Variants in IQCH observed in about 807,000 individuals in gnomAD.
IQCH encodes the protein IQ domain-containing protein H.
IQCH carries 98 observed loss-of-function variants against 117.0 expected under a neutral mutation model. That is an observed-to-expected ratio of 0.84 (90% CI 0.71 to 0.99). The LOEUF is 0.99. Ranked by LOEUF, IQCH falls within the 50% of genes least tolerant of loss-of-function variation. The pLI, the probability that IQCH is intolerant of heterozygous loss-of-function variation, is 0.00. For missense variants in IQCH, 1,102 were observed against 1,243.8 expected, an observed-to-expected ratio of 0.89 and a Z score of 1.72; for synonymous variants, 412 against 448.2, an observed-to-expected ratio of 0.92 and a Z score of 1.02.
At chr15:67,257,689 G>A (rs1357565346) in intron 1 of IQCH, among the ~76,000 whole-genome samples, 3 of 152,100 alleles carry the variant, frequency 2.0e-5, no homozygotes, top group Non-Finnish European at 4.4e-5. Context: ...TTAAAATGTG[G>A]TATATTCTTA....
At chr15:67,461,536 A>G (rs1364497827) in intron 16 of IQCH, among the ~76,000 whole-genome samples, 1 of 152,232 alleles carries the variant, frequency 6.6e-6, no homozygotes, top group Non-Finnish European at 1.5e-5. Flanking sequence ...GGTGTCTTCA[A>G]TGGAAAGACC....
intron 4 of IQCH, among the ~76,000 whole-genome samples, chr15:67,320,634 G>C (rs977261557): frequency 2.6e-5 from 4 of 152,104 alleles, no homozygotes; most frequent in African/African-American, 9.7e-5. Context: ...TGTGTCTCAA[G>C]CTCCTTCGAA....
At chr15:67,322,168 TTG>T (rs1452188854) in intron 4 of IQCH, among the ~76,000 whole-genome samples, 6 of 152,234 alleles carry the variant, frequency 3.9e-5, no homozygotes, top group Non-Finnish European at 8.8e-5. Context: ...TTTATTATTG[TTG>T]TGTTTTCCTG....
At chr15:67,400,955 T>C (rs923594095) in intron 14 of IQCH, among the ~76,000 whole-genome samples, 3 of 152,134 alleles carry the variant, frequency 2.0e-5, no homozygotes, top group Non-Finnish European at 4.4e-5. Flanking sequence ...CTAACAACTG[T>C]TGTTGTTAAG....
chr15:67,264,436 C>A (rs566813618), intron 3 of IQCH, among the ~76,000 whole-genome samples: 1 of 152,356 alleles, frequency 6.6e-6, no homozygotes, highest in South Asian at 2.1e-4. Context: ...GCAATCTCAT[C>A]TGAAAACTTG....
At chr15:67,299,229 T>C (rs1016074391) in intron 4 of IQCH, among the ~76,000 whole-genome samples, 1 of 151,930 alleles carries the variant, frequency 6.6e-6, no homozygotes, top group African/African-American at 2.4e-5. Flanking sequence ...AACAATTGAA[T>C]TCACTGAGAT....
chr15:67,459,427 C>T lies in IQCH; in HGVS notation c.2506-5700C>T, dbSNP rs925676704. Among the ~76,000 whole-genome samples the T allele has an allele frequency of 6.6e-6, 1 of 152,222 alleles. No homozygotes were observed. ...CACAGAATGTAGGGCCTGAGCACAT[C>T]TGCCCACATCTGCGTGCTCTGCCAC... On this transcript the variant is annotated intron_variant, in intron 16 of 20. Transcript: ENST00000335894. The surrounding 1 kb of genome is among the most constrained non-coding windows in gnomAD (Gnocchi z 4.2).
intron 16 of IQCH, among the ~76,000 whole-genome samples, chr15:67,464,077 C>T (rs1231615671): frequency 6.6e-6 from 1 of 152,188 alleles, no homozygotes; most frequent in East Asian, 1.9e-4. Context: ...GATCCTCCCA[C>T]CTCGGCCTCC....
intron 4 of IQCH, among the ~76,000 whole-genome samples, chr15:67,292,810 A>G (rs542939968): frequency 2.6e-5 from 4 of 152,236 alleles, no homozygotes; most frequent in Non-Finnish European, 4.4e-5. Flanking sequence ...TAATTCTTGA[A>G]TATAATAAAT....
chr15:67,500,601 C>G lies in IQCH; in HGVS notation c.2971-32C>G. The G allele has an allele frequency of 8.6e-7, 1 of 1,161,680 alleles. No homozygotes were observed. The highest frequency in any genetic ancestry group is 1.3e-6 in the Non-Finnish European group (1 of 787,314). The allele number at this position is 1,161,680 out of a possible 1,614,324, so 72.0% of individuals were successfully genotyped here. ...TTGGGGGAGAGGGATTGTAAGAGGT[C>G]TTTAAGTAATAAATATTGTCTTTAT... is the stretch of plus-strand genomic sequence containing the variant. On this transcript the variant is annotated intron_variant, in intron 20 of 20. Coordinates refer to ENST00000335894, the MANE Select transcript of IQCH (RefSeq NM_001031715.3). The surrounding 1 kb of genome is among the most constrained non-coding windows in gnomAD (Gnocchi z 4.4).
chr15:67,343,989 G>A, intron 5 of IQCH, 74 bp from the exon 6 acceptor site: 1 of 1,360,062 alleles, frequency 7.4e-7, no homozygotes. Context: ...AGTTACACTT[G>A]TGAAATTTAT....
intron 4 of IQCH, among the ~76,000 whole-genome samples, chr15:67,319,433 C>T (rs555610621): frequency 2.0e-5 from 3 of 152,286 alleles, no homozygotes; most frequent in Non-Finnish European, 2.9e-5. Flanking sequence ...TGGATCAAAT[C>T]ATCTCTAAGA....
At chr15:67,327,967 T>C (rs915861361) in intron 4 of IQCH, among the ~76,000 whole-genome samples, 15 of 152,350 alleles carry the variant, frequency 9.8e-5, no homozygotes, top group Middle Eastern at 3.4e-3. Flanking sequence ...TGTGTTTTTC[T>C]TCTTGAATTA....
rs1220443630 is a variant in IQCH at position 67,481,841 on chromosome 15, T to C, written c.2799+6023T>C. Among the ~76,000 whole-genome samples, 1 of 152,180 alleles carries C rather than the reference T, an allele frequency of 6.6e-6. No homozygotes were observed. The highest frequency in any genetic ancestry group is 2.4e-5 in the African/African-American group (1 of 41,448). ...AAAGAACTCAACATCAAGAGAAATC[T>C]CAGTCTGGATTAAAAGAGACTGTTG... is the stretch of plus-strand genomic sequence containing the variant. On this transcript the variant is annotated intron_variant, in intron 18 of 20. Transcript: ENST00000335894. This position sits in a 1 kb window ranked among gnomAD's most constrained non-coding sequence, Gnocchi z 4.1.
chr15:67,394,707 T>C (rs906464743), intron 12 of IQCH, among the ~76,000 whole-genome samples: 1 of 152,194 alleles, frequency 6.6e-6, no homozygotes, highest in Non-Finnish European at 1.5e-5. Context: ...TGCTGAAATT[T>C]TCAATTATTT....
intron 12 of IQCH, 62 bp downstream of exon 12, chr15:67,389,068 A>T: frequency 3.0e-6 from 4 of 1,315,646 alleles, no homozygotes; most frequent in Non-Finnish European, 4.3e-6. Context: ...TGGAAATTTT[A>T]ATAACTTGCA....
At chr15:67,347,677 A>G (rs1376165498) in intron 6 of IQCH, among the ~76,000 whole-genome samples, 1 of 151,432 alleles carries the variant, frequency 6.6e-6, no homozygotes, top group Admixed American at 6.6e-5. Flanking sequence ...AATTTTATGA[A>G]GCTATCATCA....
intron 14 of IQCH, among the ~76,000 whole-genome samples, chr15:67,412,128 C>T (rs1253212454): frequency 6.6e-6 from 1 of 152,228 alleles, no homozygotes; most frequent in East Asian, 1.9e-4. Context: ...CCGCTAATTG[C>T]ATTCCCAGAG....
chr15:67,479,523 T>A lies in IQCH; in HGVS notation c.2799+3705T>A, dbSNP rs929861767. 6.6e-6 allele frequency among the ~76,000 whole-genome samples: 1 copy of A among 152,216 alleles called. No homozygotes were observed. Among genetic ancestry groups the A allele is most frequent in the Non-Finnish European group, 1.5e-5 (1 of 68,042 alleles). ...ATATATCCCCTCTAGGTACCTCTTA[T>A]GTATTCTTCAGCTGGAGAAACACAG... On this transcript the variant is annotated intron_variant, in intron 18 of 20. Transcript: ENST00000335894. The surrounding 1 kb of genome is among the most constrained non-coding windows in gnomAD (Gnocchi z 4.6).
Sources: gnomAD v4.1 joint callset for allele counts (sites outside exome capture counted in the v4.1 genomes callset) on GRCh38, gnomAD v4.1.1 for gene constraint, Gnocchi (gnomAD v3.1) non-coding constraint, MANE v1.5 for transcripts, NCBI Gene and HGNC (gene_info 2026-07-23, HGNC 2026-07-21) for gene names.